TSTD1: variants seen among roughly 807,000 people sequenced by gnomAD.
The protein encoded by TSTD1 is thiosulfate:glutathione sulfurtransferase.
A neutral mutation model predicts 12.6 loss-of-function variants in TSTD1; 7 were observed. The observed-to-expected ratio is 0.55, with a 90% CI of 0.32 to 1.04. The LOEUF is 1.04. Ranked by LOEUF, TSTD1 falls within the 50% of genes least tolerant of loss-of-function variation. The probability of loss-of-function intolerance (pLI) is 0.05; values close to 1 mark genes in which losing one functional copy is unlikely to be tolerated. For synonymous variants in TSTD1, 73 were observed against 59.7 expected, an observed-to-expected ratio of 1.22 and a Z score of -1.03; for missense variants, 156 against 151.0, an observed-to-expected ratio of 1.03 and a Z score of -0.17.
At chr1:161,038,225 A>G in intron 2 of TSTD1, 150 bp from the exon 3 acceptor site, 1 of 835,876 alleles carries the variant, frequency 1.2e-6, no homozygotes, top group East Asian at 2.7e-5. Context: ...ACAGAAACCG[A>G]CAACTTTTGA....
At position 161,038,315 on chromosome 1, in the gene TSTD1, G is replaced by A. The variant is rs542903309; in HGVS notation, c.133+236C>T. On this transcript the variant is annotated intron_variant, in intron 2 of 3. Coordinates refer to ENST00000423014, the MANE Select transcript of TSTD1 (RefSeq NM_001113207.2). ...TCCAGATTTGGGGAGGTCAAGAGAA[G>A]CTGGTCTGCCCCTCTCCTCTCCGCC... The A allele has an allele frequency of 2.9e-4, 198 of 677,348 alleles. No individual in the cohort carries two copies. In the African/African-American group the frequency reaches 3.4e-3, roughly 12 times the overall value. 42.0% of individuals were successfully genotyped at this position (677,348 alleles called of 1,614,324 possible).
Position 161,038,874 on chromosome 1 carries a change from A to C in TSTD1, c.10+6T>G, listed in dbSNP as rs1258017841. On this transcript the variant is annotated splice_donor_region_variant and intron_variant, in intron 1 of 3. Transcript: ENST00000423014. Reference sequence around the variant, plus strand: ...AACCGCGGCCCCAGGAATCCCCCGCAGGTACCTCCAGCCATGGTGCGCGTA... The same window carrying C: ...AACCGCGGCCCCAGGAATCCCCCGCCGGTACCTCCAGCCATGGTGCGCGTA... 3.2e-6 allele frequency: 5 copies of C among 1,550,004 alleles called. No individual in the cohort carries two copies. The South Asian group carries it at 6.0e-5, about 18-fold the overall frequency.
In TSTD1 at chr1:161,038,570, T is replaced by A. The variant is rs570415013; in HGVS notation, c.114A>T (p.Pro38=). 1,109 of 1,549,376 alleles carry A rather than the reference T, an allele frequency of 7.2e-4. 6 individuals are homozygous for A. The highest frequency in any genetic ancestry group is 8.4e-4 in the Middle Eastern group (5 of 5,978). Reference sequence around the variant, plus strand: ...CTATACCCGGGATGTTGAGCGCCCCTGGGATGGTCCCAGCTGCCGCCTCCT... The same window carrying A: ...CTATACCCGGGATGTTGAGCGCCCCAGGGATGGTCCCAGCTGCCGCCTCCT... ...SREEAAAGTI[P]GALNIPVSEL... Residue 38 remains proline, a synonymous_variant, in exon 2 of 4, where the codon CCA becomes CCT. Coordinates refer to ENST00000423014, the MANE Select transcript of TSTD1 (RefSeq NM_001113207.2).
chr1:161,037,916 G>T lies in TSTD1; in HGVS notation c.293C>A (p.Thr98Asn). Residue 98 changes from threonine (T) to asparagine (N), a missense_variant, in exon 3 of 4, where the codon ACT (threonine) becomes AAT (asparagine). Thr to Asn is a moderately conservative substitution (Grantham distance 65). Coordinates refer to ENST00000423014, the MANE Select transcript of TSTD1 (RefSeq NM_001113207.2). ...TAGCAGCCACACCTCCCCGTACCCA[G>T]TGTATCCAAGACTCCGGGCCAGCTG... is the stretch of plus-strand genomic sequence containing the variant. ...ATQLARSLGY[T>N]GARNYAGAYR... The T allele has an allele frequency of 6.4e-7, 1 of 1,551,874 alleles. No homozygotes were observed. Among genetic ancestry groups the T allele is most frequent in the East Asian group, 2.4e-5 (1 of 40,928 alleles).
At chr1:161,038,700 G>A (rs1360533280) in intron 1 of TSTD1, 27 bp from the exon 2 acceptor site, 1 of 1,539,650 alleles carries the variant, frequency 6.5e-7, no homozygotes, top group Non-Finnish European at 8.8e-7. Context: ...ACAGCCTTCA[G>A]GAAGAGGGGG....
In TSTD1 at chr1:161,038,592, T is replaced by A; in HGVS notation, c.92A>T (p.Glu31Val). The part of the protein sequence containing the change: ...ARLFDVRSRE[E>V]AAAGTIPGAL... ...CCCTGGGATGGTCCCAGCTGCCGCC[T>A]CCTCGCGAGAGCGCACGTCGAAGAG... Residue 31 changes from glutamate (E) to valine (V), a missense_variant, in exon 2 of 4, where the codon GAG becomes GTG. Glu to Val is a moderately radical substitution (Grantham distance 121). Coordinates refer to ENST00000423014, the MANE Select transcript of TSTD1 (RefSeq NM_001113207.2). 1 of 1,549,960 alleles carries A rather than the reference T, an allele frequency of 6.5e-7. No homozygotes were observed. The highest frequency in any genetic ancestry group is 1.2e-5 in the South Asian group (1 of 84,000).
intron 2 of TSTD1, 88 bp from the exon 3 acceptor site, chr1:161,038,163 C>A (rs781536067): frequency 7.9e-5 from 106 of 1,342,762 alleles, no homozygotes; most frequent in Non-Finnish European, 9.6e-5. Flanking sequence ...GTCCTGGGGG[C>A]CCCCAAACAA....
In TSTD1 at chr1:161,038,668, TGGGCGCTGAGGAA is replaced by T; in HGVS notation, c.11-8_15del. Reference sequence around the variant, plus strand: ...GAACGGAGTTCAGGAAGCGAGACCGTGGGCGCTGAGGAAGGGGCGCGACAGCCTTCAGGAAGAG... The same window carrying T: ...GAACGGAGTTCAGGAAGCGAGACCGTGGGGCGCGACAGCCTTCAGGAAGAG... On this transcript the variant is annotated splice_acceptor_variant and splice_polypyrimidine_tract_variant and coding_sequence_variant and intron_variant, in exon 2 of 4. Coordinates refer to ENST00000423014, the MANE Select transcript of TSTD1 (RefSeq NM_001113207.2). LOFTEE classifies it high-confidence loss of function. 6.5e-7 allele frequency: 1 copy of T among 1,543,556 alleles called. No homozygotes were observed. The highest frequency in any genetic ancestry group is 1.2e-5 in the South Asian group (1 of 83,880).
chr1:161,038,213 G>A (rs1303110513), intron 2 of TSTD1, 138 bp from the exon 3 acceptor site: 1 of 908,476 alleles, frequency 1.1e-6, no homozygotes, highest in Non-Finnish European at 1.6e-6. Flanking sequence ...CAATTTCAAG[G>A]AACAGAAACC....
intron 2 of TSTD1, 25 bp downstream of exon 2, chr1:161,038,526 T>C (rs551971182): frequency 1.7e-5 from 26 of 1,518,298 alleles, no homozygotes; most frequent in Non-Finnish European, 2.1e-5. Flanking sequence ...TTCCACCACC[T>C]GGGCGTCCCC....
chr1:161,038,436 C>A, intron 2 of TSTD1, 115 bp downstream of exon 2: 1 of 1,272,166 alleles, frequency 7.9e-7, no homozygotes. Flanking sequence ...CCCGGGAATG[C>A]AGGACCCCCA....
Position 161,038,653 on chromosome 1 carries a change from C to G in TSTD1, c.31G>C (p.Glu11Gln). The G allele has an allele frequency of 1.3e-6, 2 of 1,548,984 alleles. No homozygotes were observed. The highest frequency in any genetic ancestry group is 2.4e-5 in the South Asian group (2 of 84,002). The change falls in exon 2 of 4, where the codon GAA becomes CAA. Residue 11 changes from glutamate (E) to glutamine (Q), a missense_variant. Physicochemically the swap from Glu to Gln is conservative, Grantham distance 29 (BLOSUM62 2). Coordinates refer to ENST00000423014, the MANE Select transcript of TSTD1 (RefSeq NM_001113207.2). MAGAPTVSLP[E>Q]LRSLLASGRA... is the part of the protein sequence containing the mutation. ...CCGGAGGCTAGGAGTGAACGGAGTT[C>G]AGGAAGCGAGACCGTGGGCGCTGAG... is the stretch of plus-strand genomic sequence containing the variant.
chr1:161,037,975 G>T lies in TSTD1; in HGVS notation c.234C>A (p.Phe78Leu). 4 of 1,551,788 alleles carry T rather than the reference G, an allele frequency of 2.6e-6. No individual in the cohort carries two copies. Among genetic ancestry groups the T allele is most frequent in the Non-Finnish European group, 3.5e-6 (4 of 1,147,012 alleles). Residue 78 changes from phenylalanine (F) to leucine (L), a missense_variant, in exon 3 of 4, where the codon TTC becomes TTA. Coordinates refer to ENST00000423014, the MANE Select transcript of TSTD1 (RefSeq NM_001113207.2). ...PKLEDEHLVFFCQMGKRGLQA... is the reference protein window; with the variant it reads ...PKLEDEHLVFLCQMGKRGLQA... ...GGAGGCCCCGCTTGCCCATCTGACA[G>T]AAGAAAACGAGATGCTCATCTTCCA... is the stretch of plus-strand genomic sequence containing the variant.
chr1:161,038,815 C>G, intron 1 of TSTD1, 65 bp downstream of exon 1: 3 of 1,529,886 alleles, frequency 2.0e-6, no homozygotes, highest in Non-Finnish European at 2.7e-6. Context: ...CGCCACCCCA[C>G]TCCCTGCCAC....
chr1:161,038,341 T>G, intron 2 of TSTD1: 1 of 705,482 alleles, frequency 1.4e-6, no homozygotes, highest in South Asian at 2.0e-5. Flanking sequence ...CCTCTCCGCC[T>G]GCTGTCTTCT....
chr1:161,038,376 G>T, intron 2 of TSTD1, 175 bp downstream of exon 2: 2 of 822,644 alleles, frequency 2.4e-6, no homozygotes, highest in Non-Finnish European at 3.7e-6. Flanking sequence ...CAGTTCCGAT[G>T]CCAAGATCCG....
Position 161,038,237 on chromosome 1 carries a change from T to A in TSTD1, c.134-162A>T, listed in dbSNP as rs1650309972. 6 of 757,438 alleles carry A rather than the reference T, an allele frequency of 7.9e-6. 1 individual carries two copies. In the South Asian group the frequency reaches 1.1e-4, roughly 14 times the overall value. 46.9% of individuals were successfully genotyped at this position (757,438 alleles called of 1,614,324 possible). A position where few individuals can be genotyped will look rare whatever the true frequency, so the allele number is the denominator to read the frequency against. On this transcript the variant is annotated intron_variant, in intron 2 of 3. Coordinates refer to ENST00000423014, the MANE Select transcript of TSTD1 (RefSeq NM_001113207.2). ...GGAACAGAAACCGACAACTTTTGAA[T>A]GCAAGCCACTCCCTAAGCTGTGAGG...
At chr1:161,038,153 G>A in intron 2 of TSTD1, 78 bp from the exon 3 acceptor site, 1 of 1,451,722 alleles carries the variant, frequency 6.9e-7, no homozygotes, top group African/African-American at 1.4e-5. Flanking sequence ...GAAGGGCTGG[G>A]TCCTGGGGGC....
At position 161,037,747 on chromosome 1, in the gene TSTD1, G is replaced by C. The variant is rs780499396; in HGVS notation, c.*28C>G. ...TTAAGGTGGCCATTAAGGGGCCAGG[G>C]GGTGGCAATCAGTAAGCTGCCTCCT... On this transcript the variant is annotated 3_prime_UTR_variant, in exon 4 of 4. Transcript: ENST00000423014. The C allele has an allele frequency of 6.4e-7, 1 of 1,551,536 alleles. No individual in the cohort carries two copies. The highest frequency in any genetic ancestry group is 8.7e-7 in the Non-Finnish European group (1 of 1,146,956).
Sources: allele counts gnomAD v4.1 joint callset, GRCh38; gene constraint gnomAD v4.1.1; transcripts MANE v1.5; gene names NCBI Gene and HGNC (gene_info 2026-07-23, HGNC 2026-07-21).